NSUN6: variants seen among roughly 807,000 people sequenced by gnomAD.
The protein encoded by NSUN6 is tRNA (cytosine(72)-C(5))-methyltransferase NSUN6.
In NSUN6, 64 loss-of-function variants were observed where a neutral mutation model predicts 58.0. The ratio of observed to expected loss-of-function variants is 1.10; its 90% CI spans 0.90 to 1.36. The LOEUF (loss-of-function observed/expected upper bound fraction) is 1.36, where lower values mean the gene tolerates loss of function less well. Among genes scored for constraint, NSUN6 ranks in the 40% most tolerant of loss-of-function variants. The pLI is 0.00. For missense variants in NSUN6, 701 were observed against 550.1 expected (o/e 1.27, Z -2.74); for synonymous variants, 231 against 193.9 (o/e 1.19, Z -1.59).
At chr10:18,559,405 AT>A in intron 8 of NSUN6, among the ~76,000 whole-genome samples, 2 of 148,004 alleles carry the variant, frequency 1.4e-5, no homozygotes, top group Admixed American at 6.7e-5. Flanking sequence ...GGAATGGGGA[AT>A]GGAATGGGGA....
intron 3 of NSUN6, among the ~76,000 whole-genome samples, chr10:18,636,519 G>C (rs1564835457): frequency 6.6e-6 from 1 of 151,874 alleles, no homozygotes; most frequent in Non-Finnish European, 1.5e-5. Flanking sequence ...ACAAAAAACA[G>C]TAAATACAAA....
Position 18,627,253 on chromosome 10 carries a change from C to T in NSUN6, c.312-10960G>A, listed in dbSNP as rs918210034. On this transcript the variant is annotated intron_variant, in intron 3 of 10. Coordinates refer to ENST00000377304, the MANE Select transcript of NSUN6 (RefSeq NM_182543.5). ...TGAAGAAACCAGTAATTCAGTGATGCATTACTGTTAAAATTGTTTACTGTA... is the reference window on the plus strand; with the variant it reads ...TGAAGAAACCAGTAATTCAGTGATGTATTACTGTTAAAATTGTTTACTGTA... Among the ~76,000 whole-genome samples the T allele has an allele frequency of 2.6e-5, 4 of 152,236 alleles. No homozygotes were observed. In the East Asian group the frequency reaches 7.7e-4, roughly 29 times the overall value.
intron 9 of NSUN6, among the ~76,000 whole-genome samples, chr10:18,549,843 G>A (rs1290424343): frequency 6.6e-6 from 1 of 152,168 alleles, no homozygotes; most frequent in African/African-American, 2.4e-5. Flanking sequence ...GTTACTATGT[G>A]CCAGTTACTG....
chr10:18,608,468 T>A (rs1450387427), intron 6 of NSUN6, among the ~76,000 whole-genome samples: 2 of 151,880 alleles, frequency 1.3e-5, no homozygotes, highest in African/African-American at 4.8e-5. Flanking sequence ...AAACCCCATC[T>A]CTACTAAAAA....
intron 1 of NSUN6, among the ~76,000 whole-genome samples, chr10:18,649,340 C>T (rs2059638539): frequency 6.6e-6 from 1 of 150,616 alleles, no homozygotes. Context: ...TTTACAGAAT[C>T]TTCACAAACC....
chr10:18,558,887 G>T (rs1359932839), intron 8 of NSUN6, among the ~76,000 whole-genome samples: 1 of 150,990 alleles, frequency 6.6e-6, no homozygotes, highest in South Asian at 2.1e-4. Flanking sequence ...AAATGCAATG[G>T]TGAATAGAAT....
At position 18,579,385 on chromosome 10, in the gene NSUN6, T is replaced by C. The variant is rs766013360; in HGVS notation, c.922+6564A>G. Among the ~76,000 whole-genome samples, 6 of 152,256 alleles carry C rather than the reference T, an allele frequency of 3.9e-5. No individual in the cohort carries two copies. In the South Asian group the frequency reaches 8.3e-4, roughly 21 times the overall value. On this transcript the variant is annotated intron_variant, in intron 8 of 10. Coordinates refer to ENST00000377304, the MANE Select transcript of NSUN6 (RefSeq NM_182543.5). ...CAGGGTTTCACCGTGTTAGCCAGGA[T>C]GGTGTTGATCTCCTGACGTCGTGAT... is the stretch of plus-strand genomic sequence containing the variant.
At chr10:18,631,248 G>A (rs1300972644) in intron 3 of NSUN6, among the ~76,000 whole-genome samples, 15 of 149,678 alleles carry the variant, frequency 1.0e-4, no homozygotes, top group East Asian at 2.0e-4. Flanking sequence ...TTGATGGGAC[G>A]TATCTCAAAA....
At chr10:18,604,428 C>T (rs2057969163) in intron 6 of NSUN6, among the ~76,000 whole-genome samples, 1 of 152,154 alleles carries the variant, frequency 6.6e-6, no homozygotes, top group South Asian at 2.1e-4. Context: ...CTTCTCAGAT[C>T]TTCCCACTGC....
At chr10:18,599,989 T>C (rs1007995730) in intron 6 of NSUN6, among the ~76,000 whole-genome samples, 6 of 152,240 alleles carry the variant, frequency 3.9e-5, no homozygotes, top group Admixed American at 3.9e-4. Context: ...AGTACAGTTG[T>C]AATTTTAATG....
intron 9 of NSUN6, among the ~76,000 whole-genome samples, chr10:18,550,655 G>A (rs2054540484): frequency 6.6e-6 from 1 of 151,682 alleles, no homozygotes; most frequent in Non-Finnish European, 1.5e-5. Flanking sequence ...GCTGGCCACT[G>A]TCTCTTCCTG....
Position 18,566,752 on chromosome 10 carries a change from G to A in NSUN6, c.923-14781C>T, listed in dbSNP as rs573961964. ...TTCCATTCCATGCTCCATTCCATTCGATGCTCCATTCGATTCTGCATTCCA... is the reference window on the plus strand; with the variant it reads ...TTCCATTCCATGCTCCATTCCATTCAATGCTCCATTCGATTCTGCATTCCA... On this transcript the variant is annotated intron_variant, in intron 8 of 10. Coordinates refer to ENST00000377304, the MANE Select transcript of NSUN6 (RefSeq NM_182543.5). Among the ~76,000 whole-genome samples the A allele has an allele frequency of 5.8e-5, 8 of 136,794 alleles. No individual in the cohort carries two copies. In the Middle Eastern group the frequency reaches 0.021, roughly 353 times the overall value. 89.7% of individuals were successfully genotyped at this position (136,794 alleles called of 152,430 possible).
intron 3 of NSUN6, among the ~76,000 whole-genome samples, chr10:18,617,066 G>A (rs781755285): frequency 8.6e-5 from 13 of 151,736 alleles, no homozygotes; most frequent in South Asian, 4.2e-4. Flanking sequence ...GGCTCTCCCC[G>A]CCAGGTTCCA....
chr10:18,591,222 T>C (rs1242744399), intron 7 of NSUN6, among the ~76,000 whole-genome samples: 5 of 152,012 alleles, frequency 3.3e-5, no homozygotes, highest in Non-Finnish European at 5.9e-5. Context: ...CAATAACAAG[T>C]TCTGAAATTG....
intron 8 of NSUN6, among the ~76,000 whole-genome samples, chr10:18,576,516 A>G (rs549511247): frequency 2.2e-4 from 34 of 152,280 alleles, no homozygotes; most frequent in African/African-American, 7.9e-4. Flanking sequence ...CTAAAACTAA[A>G]CTAAAACTCT....
Position 18,574,719 on chromosome 10 carries a change from G to T in NSUN6, c.922+11230C>A, listed in dbSNP as rs116765232. On this transcript the variant is annotated intron_variant, in intron 8 of 10. Transcript: ENST00000377304. ...GAAGGAACCATCTATACCAATTCCA[G>T]GTATGCCTCTGGAGTGGCTCATACA... is the stretch of plus-strand genomic sequence containing the variant. Among the ~76,000 whole-genome samples the T allele has an allele frequency of 2.8e-3, 420 of 152,182 alleles. 2 individuals carry two copies. Among genetic ancestry groups the T allele is most frequent in the African/African-American group, 9.7e-3 (402 of 41,520 alleles).
rs961795633 is a variant in NSUN6, at chr10:18,562,841, C to T, written c.923-10870G>A. 5.6e-5 allele frequency among the ~76,000 whole-genome samples: 7 copies of T among 124,358 alleles called. No homozygotes were observed. The East Asian group carries it at 1.0e-3, about 18-fold the overall frequency. The allele number at this position is 124,358 out of a possible 152,430, so 81.6% of individuals were successfully genotyped here. ...GAGGATGGAATGGAATGAAATGGAG[C>T]GTGGAATGGAGATTCTTATGAATGG... On this transcript the variant is annotated intron_variant, in intron 8 of 10. Transcript: ENST00000377304.
At position 18,596,341 on chromosome 10, in the gene NSUN6, A is replaced by C. The variant is rs1265807775; in HGVS notation, c.658-14T>G. 6.6e-7 allele frequency: 1 copy of C among 1,526,350 alleles called. No homozygotes were observed. Among genetic ancestry groups the C allele is most frequent in the Non-Finnish European group, 9.1e-7 (1 of 1,101,110 alleles). The allele number at this position is 1,526,350 out of a possible 1,614,324, so 94.6% of individuals were successfully genotyped here. A position where few individuals can be genotyped will look rare whatever the true frequency, so the allele number is the denominator to read the frequency against. The stretch of plus-strand genomic sequence containing the variant: ...AGATGGCAAATTCTATAAGGAAAAA[A>C]ATGTAATCGATTATCAATAATCCTA... On this transcript the variant is annotated splice_polypyrimidine_tract_variant and intron_variant, in intron 6 of 10. Coordinates refer to ENST00000377304, the MANE Select transcript of NSUN6 (RefSeq NM_182543.5).
At chr10:18,658,856 G>A (rs1034777698), upstream of NSUN6, among the ~76,000 whole-genome samples, 1 of 152,076 alleles carries the variant, frequency 6.6e-6, no homozygotes, top group African/African-American at 2.4e-5. Flanking sequence ...ATCAATCAAT[G>A]AGTACATAAA....
Sources: allele counts gnomAD v4.1 joint callset (sites outside exome capture counted in the v4.1 genomes callset), GRCh38; gene constraint gnomAD v4.1.1; transcripts MANE v1.5; gene names NCBI Gene and HGNC (gene_info 2026-07-23, HGNC 2026-07-21).